Variants in GIGYF2 observed in about 807,000 individuals in gnomAD.
GIGYF2 encodes GRB10 interacting GYF protein 2.
In GIGYF2, 25 loss-of-function variants were observed where a neutral mutation model predicts 208.1. The observed-to-expected ratio is 0.12, with a 90% CI of 0.09 to 0.17. GIGYF2 has a LOEUF of 0.17. Among genes scored for constraint, GIGYF2 ranks in the 10% least tolerant of loss-of-function variants. The pLI is 1.00. For synonymous variants in GIGYF2, 534 were observed against 543.8 expected (o/e 0.98, Z 0.25); for missense variants, 1,302 against 1,579.4 (o/e 0.82, Z 2.98).
chr2:232,769,184 A>G (rs1574857785), intron 8 of GIGYF2, among the ~76,000 whole-genome samples: 1 of 152,320 alleles, frequency 6.6e-6, no homozygotes, highest in East Asian at 1.9e-4. Flanking sequence ...ACGTTGAAGT[A>G]GAGACTAGGT....
At chr2:232,813,266 C>T (rs1487263638) in intron 18 of GIGYF2, among the ~76,000 whole-genome samples, 8 of 146,596 alleles carry the variant, frequency 5.5e-5, no homozygotes, top group East Asian at 4.0e-4. Context: ...CTCAGCTCAT[C>T]GCAACCTCTG....
At chr2:232,732,219 A>C (rs1423928039) in intron 2 of GIGYF2, among the ~76,000 whole-genome samples, 1 of 152,156 alleles carries the variant, frequency 6.6e-6, no homozygotes, top group Non-Finnish European at 1.5e-5. Context: ...TTAATTTTTA[A>C]TCCCTTTTAG....
intron 8 of GIGYF2, 85 bp downstream of exon 8, chr2:232,761,521 G>T: frequency 1.3e-6 from 1 of 767,442 alleles, no homozygotes; most frequent in African/African-American, 1.7e-5. Context: ...TGGGGCTGCA[G>T]CATTTCCTGC....
rs936376139 is a variant in GIGYF2, at chr2:232,816,945, C to T, written c.2283C>T (p.Leu761=). 2 of 1,611,988 alleles carry T rather than the reference C, an allele frequency of 1.2e-6. No individual in the cohort carries two copies. Among genetic ancestry groups the T allele is most frequent in the Non-Finnish European group, 1.7e-6 (2 of 1,178,218 alleles). Residue 761 remains leucine, a synonymous_variant, in exon 20 of 29, where the codon CTC becomes CTT. Coordinates refer to ENST00000373563, the MANE Select transcript of GIGYF2 (RefSeq NM_001103146.3). ...EEEERKRQEE[L]RRQQEEILRR... ...AAGAGCGAAAGAGGCAGGAAGAACTCCGAAGACAACAGGAGGAAATTCTTC... is the reference window on the plus strand; with the variant it reads ...AAGAGCGAAAGAGGCAGGAAGAACTTCGAAGACAACAGGAGGAAATTCTTC...
chr2:232,819,681 T>C, intron 20 of GIGYF2, 146 bp from the exon 21 acceptor site: 4 of 615,224 alleles, frequency 6.5e-6, no homozygotes, highest in Non-Finnish European at 1.2e-5. Context: ...GTATACTTTT[T>C]ACTCCAGATC....
chr2:232,854,097 C>T (rs1013263872), intron 28 of GIGYF2, among the ~76,000 whole-genome samples: 3 of 152,174 alleles, frequency 2.0e-5, no homozygotes, highest in Admixed American at 2.0e-4. Flanking sequence ...TTAAGATACA[C>T]GTGAAGTCAA....
chr2:232,710,023 G>C (rs1696313708), intron 2 of GIGYF2, among the ~76,000 whole-genome samples: 1 of 151,894 alleles, frequency 6.6e-6, no homozygotes, highest in African/African-American at 2.4e-5. Context: ...GCAGTGGCGT[G>C]ATCTCAGCTC....
At chr2:232,800,235 TTTC>T (rs1381537298) in intron 14 of GIGYF2, among the ~76,000 whole-genome samples, 2 of 152,212 alleles carry the variant, frequency 1.3e-5, no homozygotes, top group Non-Finnish European at 1.5e-5. Flanking sequence ...TGCCCTGTGT[TTTC>T]TTCTGAGAGT....
Position 232,858,265 on chromosome 2 carries a change from C to T in GIGYF2, c.*1405C>T, listed in dbSNP as rs180817707. 104 of 343,798 alleles carry T rather than the reference C, an allele frequency of 3.0e-4. No homozygotes were observed. Among genetic ancestry groups the T allele is most frequent in the African/African-American group, 1.9e-3 (90 of 46,254 alleles). 21.3% of individuals were successfully genotyped at this position (343,798 alleles called of 1,614,324 possible). A position where few individuals can be genotyped will look rare whatever the true frequency, so the allele number is the denominator to read the frequency against. On this transcript the variant is annotated 3_prime_UTR_variant, in exon 29 of 29. Coordinates refer to ENST00000373563, the MANE Select transcript of GIGYF2 (RefSeq NM_001103146.3). ...GCACCTTTGCTGCCTGTCATTGTTGCCTGAAGAAGGCTGGAGTTGCTCTGA... is the reference window on the plus strand; with the variant it reads ...GCACCTTTGCTGCCTGTCATTGTTGTCTGAAGAAGGCTGGAGTTGCTCTGA...
intron 2 of GIGYF2, among the ~76,000 whole-genome samples, chr2:232,717,959 A>G (rs918017005): frequency 2.0e-5 from 3 of 152,192 alleles, no homozygotes; most frequent in Non-Finnish European, 4.4e-5. Context: ...CCCAAACCAT[A>G]GTACTCTTCT....
At chr2:232,815,584 C>A in intron 18 of GIGYF2, 53 bp from the exon 19 acceptor site, 1 of 953,322 alleles carries the variant, frequency 1.0e-6, no homozygotes, top group South Asian at 1.3e-5. Flanking sequence ...ACGGATATGT[C>A]ACCATGTGTG....
intron 22 of GIGYF2, among the ~76,000 whole-genome samples, chr2:232,839,405 C>T (rs916679073): frequency 6.6e-6 from 1 of 152,238 alleles, no homozygotes; most frequent in Non-Finnish European, 1.5e-5. Flanking sequence ...TGAGAAATCT[C>T]ATGGTGCTAC....
intron 2 of GIGYF2, among the ~76,000 whole-genome samples, chr2:232,734,109 C>CTTTT (rs35593823): frequency 8.2e-6 from 1 of 122,452 alleles, no homozygotes; most frequent in Non-Finnish European, 1.7e-5. Flanking sequence ...TATTTTAAAA[C>CTTTT]TTTTTTTTTT....
In GIGYF2 at chr2:232,724,990, CATATCTATAT is replaced by C. The variant is rs528392061; in HGVS notation, c.-43-10159_-43-10150del. ...ACTTAGAAGTATTAACATTTTGGGGCATATCTATATATATCCAGTGTATTTTAAAATATTT... is the reference window on the plus strand; with the variant it reads ...ACTTAGAAGTATTAACATTTTGGGGCATATCCAGTGTATTTTAAAATATTT... On this transcript the variant is annotated intron_variant, in intron 2 of 28. Transcript: ENST00000373563. Among the ~76,000 whole-genome samples, 144 of 152,262 alleles carry C rather than the reference CATATCTATAT, an allele frequency of 9.5e-4. 1 individual carries two copies. The highest frequency in any genetic ancestry group is 3.3e-3 in the African/African-American group (138 of 41,550).
rs2289912 is a variant in GIGYF2, at chr2:232,794,843, C to A, written c.1378C>A (p.Pro460Thr). ...ILPPPVPNPS[P>T]TLRPVETPVV... is the part of the protein sequence containing the mutation. Reference sequence around the variant, plus strand: ...TCCACCTCCTGTTCCCAATCCTAGTCCTACTCTCCGGCCAGTTGAAACACC... The same window carrying A: ...TCCACCTCCTGTTCCCAATCCTAGTACTACTCTCCGGCCAGTTGAAACACC... Residue 460 changes from proline to threonine, a missense_variant, in exon 13 of 29, where the codon CCT (proline) becomes ACT (threonine). Pro to Thr is a conservative substitution (Grantham distance 38). This residue lies in a region of GIGYF2 where 235 missense variants were observed against 218.8 expected (regional missense o/e 1.07). Transcript: ENST00000373563. 52,175 of 1,613,548 alleles carry A rather than the reference C, an allele frequency of 0.032. 2,427 individuals are homozygous for A. The highest frequency in any genetic ancestry group is 0.25 in the East Asian group (11,151 of 44,840).
intron 12 of GIGYF2, among the ~76,000 whole-genome samples, chr2:232,792,187 G>A (rs1700088604): frequency 6.6e-6 from 1 of 152,064 alleles, no homozygotes; most frequent in South Asian, 2.1e-4. Flanking sequence ...GTCCTGAACT[G>A]TCTCCTGTTT....
At chr2:232,805,328 G>C (rs1237420389) in intron 14 of GIGYF2, among the ~76,000 whole-genome samples, 1 of 151,804 alleles carries the variant, frequency 6.6e-6, no homozygotes, top group Non-Finnish European at 1.5e-5. Flanking sequence ...GGATTTGTCT[G>C]TTTCTTTTTT....
chr2:232,786,724 A>G (rs1055661421), intron 8 of GIGYF2, among the ~76,000 whole-genome samples: 5 of 152,214 alleles, frequency 3.3e-5, no homozygotes, highest in Non-Finnish European at 7.3e-5. Context: ...GAAAACAGCA[A>G]ACAAAACAAC....
intron 22 of GIGYF2, among the ~76,000 whole-genome samples, chr2:232,838,297 T>C (rs1295568356): frequency 6.6e-6 from 1 of 152,032 alleles, no homozygotes; most frequent in Non-Finnish European, 1.5e-5. Context: ...TATATATATA[T>C]ATACACGCAT....
Sources: allele counts gnomAD v4.1 joint callset (sites outside exome capture counted in the v4.1 genomes callset), GRCh38; gene constraint gnomAD v4.1.1; regional missense constraint gnomAD v4.1.1; transcripts MANE v1.5; gene names NCBI Gene and HGNC (gene_info 2026-07-23, HGNC 2026-07-21).